The following MAN2B2 variants were observed in gnomAD, a reference collection of about 807,000 sequenced individuals.
The protein encoded by MAN2B2 is mannosidase alpha class 2B member 2, also known as epididymis-specific alpha-mannosidase.
Under a neutral mutation model 117.1 loss-of-function variants are expected in MAN2B2, and 106 were observed. The ratio of observed to expected loss-of-function variants is 0.90; its 90% CI spans 0.77 to 1.06. The LOEUF (loss-of-function observed/expected upper bound fraction) is 1.06. Ranked by LOEUF, MAN2B2 falls within the 50% of genes least tolerant of loss-of-function variation. MAN2B2 has a pLI of 0.00. For missense variants in MAN2B2, 1,326 were observed against 1,381.4 expected, an observed-to-expected ratio of 0.96 and a Z score of 0.64; for synonymous variants, 544 against 595.1, an observed-to-expected ratio of 0.91 and a Z score of 1.25.
At chr4:6,600,484 C>G (rs181817869) in intron 9 of MAN2B2, 139 bp from the exon 10 acceptor site, 9 of 990,270 alleles carry the variant, frequency 9.1e-6, no homozygotes, top group Non-Finnish European at 1.4e-5. Flanking sequence ...TGGCCTGCCC[C>G]CTTCCTGGCT....
At chr4:6,587,257 T>A (rs1726674143) in intron 4 of MAN2B2, 89 bp downstream of exon 4, 2 of 1,471,578 alleles carry the variant, frequency 1.4e-6, no homozygotes, top group South Asian at 2.6e-5. Flanking sequence ...TGCTGCTCTA[T>A]GCCGAAGTGT....
At position 6,617,457 on chromosome 4, in the gene MAN2B2, C is replaced by G; in HGVS notation, c.2779C>G (p.Pro927Ala). The G allele has an allele frequency of 1.9e-6, 3 of 1,614,098 alleles. No homozygotes were observed. The highest frequency in any genetic ancestry group is 2.5e-6 in the Non-Finnish European group (3 of 1,180,008). The change falls in exon 17 of 19, where the codon CCA becomes GCA. Residue 927 changes from proline to alanine, a missense_variant. Coordinates refer to ENST00000285599, the MANE Select transcript of MAN2B2 (RefSeq NM_015274.3). ...CCACCTATATGAAGTGGGCGAGGAC[C>G]CAGTCCTGTCTCAGCCAGTGACAGT... ...LYHLYEVGEDPVLSQPVTVNL... is the reference protein window; with the variant it reads ...LYHLYEVGEDAVLSQPVTVNL...
At chr4:6,613,913 C>T (rs965961257) in intron 15 of MAN2B2, among the ~76,000 whole-genome samples, 1 of 152,102 alleles carries the variant, frequency 6.6e-6, no homozygotes, top group East Asian at 1.9e-4. Flanking sequence ...CTGAACTTGC[C>T]TTGTTATCTT....
intron 12 of MAN2B2, chr4:6,609,542 C>G (rs1419386689): frequency 1.6e-5 from 10 of 624,998 alleles, no homozygotes; most frequent in Admixed American, 8.9e-5. Context: ...CTGGGGCCCA[C>G]AGAGCACCTG....
chr4:6,592,194 C>T (rs1726886291), intron 5 of MAN2B2, among the ~76,000 whole-genome samples: 3 of 152,200 alleles, frequency 2.0e-5, no homozygotes, highest in African/African-American at 4.8e-5. Flanking sequence ...GAACACTGGC[C>T]GGGATTAATT....
At chr4:6,615,595 G>A (rs370619871) in intron 16 of MAN2B2, among the ~76,000 whole-genome samples, 3 of 150,710 alleles carry the variant, frequency 2.0e-5, no homozygotes, top group East Asian at 2.0e-4. Context: ...CCAGGAGTTC[G>A]AGACCAGCCT....
intron 5 of MAN2B2, among the ~76,000 whole-genome samples, chr4:6,590,161 C>T (rs910217115): frequency 6.6e-6 from 1 of 151,896 alleles, no homozygotes; most frequent in African/African-American, 2.4e-5. Flanking sequence ...CACTTCAGGT[C>T]AGGAATTTGA....
intron 15 of MAN2B2, 152 bp from the exon 16 acceptor site, chr4:6,614,066 A>T (rs1711730052): frequency 1.1e-6 from 1 of 932,870 alleles, no homozygotes; most frequent in Non-Finnish European, 1.6e-6. Context: ...TTGGGAGCAC[A>T]AACACTTTGG....
intron 11 of MAN2B2, 59 bp from the exon 12 acceptor site, chr4:6,609,048 G>A (rs56332079): frequency 0.024 from 35,897 of 1,495,640 alleles, 723 homozygotes; most frequent in African/African-American, 0.1. Flanking sequence ...CTTGCCAGCC[G>A]GTGTCTGTAA....
At position 6,611,194 on chromosome 4, in the gene MAN2B2, T is replaced by A. The variant is rs138876289; in HGVS notation, c.2479T>A (p.Ser827Thr). ...VHPVLWLLLGSWSLTTALRQR... is the reference protein window; with the variant it reads ...VHPVLWLLLGTWSLTTALRQR... Reference sequence around the variant, plus strand: ...CCCAGTGCTCTGGCTTCTGCTGGGATCCTGGTCCCTCACCACTGCCCTGCG... The same window carrying A: ...CCCAGTGCTCTGGCTTCTGCTGGGAACCTGGTCCCTCACCACTGCCCTGCG... The change falls in exon 15 of 19, where the codon TCC becomes ACC. Residue 827 changes from serine to threonine, a missense_variant. Coordinates refer to ENST00000285599, the MANE Select transcript of MAN2B2 (RefSeq NM_015274.3). 3.2e-5 allele frequency: 51 copies of A among 1,613,914 alleles called. No homozygotes were observed. In the African/African-American group the frequency reaches 5.2e-4, roughly 16 times the overall value.
intron 9 of MAN2B2, among the ~76,000 whole-genome samples, chr4:6,598,911 T>C (rs527426304): frequency 6.6e-6 from 1 of 152,352 alleles, no homozygotes; most frequent in Non-Finnish European, 1.5e-5. Context: ...CCTCTTTGAC[T>C]GTGAGTTTTC....
intron 5 of MAN2B2, among the ~76,000 whole-genome samples, chr4:6,590,286 G>A (rs1388378747): frequency 1.3e-5 from 2 of 152,020 alleles, no homozygotes; most frequent in Non-Finnish European, 2.9e-5. Flanking sequence ...TTGGGAGGCT[G>A]AGGCAGGAGA....
At chr4:6,609,461 G>C in intron 12 of MAN2B2, 163 bp downstream of exon 12, 1 of 728,452 alleles carries the variant, frequency 1.4e-6, no homozygotes. Flanking sequence ...CTGCATGCTG[G>C]CTGCGTTTGC....
chr4:6,590,581 A>G (rs545483475), intron 5 of MAN2B2, among the ~76,000 whole-genome samples: 2 of 152,130 alleles, frequency 1.3e-5, no homozygotes, highest in Non-Finnish European at 2.9e-5. Context: ...GGCACTGTCC[A>G]GTGTCTCTCT....
rs186777206 is a variant in MAN2B2 at position 6,598,058 on chromosome 4, G to A, written c.1249-140G>A. On this transcript the variant is annotated intron_variant, in intron 8 of 18. Transcript: ENST00000285599. Reference sequence around the variant, plus strand: ...TCTCTTGGCCTCAGTTCCTCCTTCTGTAAAATGGCGGGGACTGCCCCCTTC... The same window carrying A: ...TCTCTTGGCCTCAGTTCCTCCTTCTATAAAATGGCGGGGACTGCCCCCTTC... 3,238 of 884,802 alleles carry A rather than the reference G, an allele frequency of 3.7e-3. 9 individuals carry two copies. Among genetic ancestry groups the A allele is most frequent in the Middle Eastern group, 4.6e-3 (15 of 3,276 alleles). The allele number at this position is 884,802 out of a possible 1,614,324, so 54.8% of individuals were successfully genotyped here.
At chr4:6,577,563 T>G (rs1726114219) in intron 2 of MAN2B2, among the ~76,000 whole-genome samples, 1 of 152,168 alleles carries the variant, frequency 6.6e-6, no homozygotes, top group Non-Finnish European at 1.5e-5. Context: ...TTACCTCAAG[T>G]TAAAGAGACA....
chr4:6,576,602 A>C lies in MAN2B2; in HGVS notation c.163A>C (p.Asn55His), dbSNP rs774903840. The change falls in exon 2 of 19, where the codon AAT becomes CAT. Residue 55 changes from asparagine to histidine, a missense_variant. Transcript: ENST00000285599. ...VQESMRAYAA[N>H]VYTSVVEELA... ...GGAAAGCATGCGGGCGTACGCCGCC[A>C]ATGTCTACACCTCAGTGGTGGAAGA... is the stretch of plus-strand genomic sequence containing the variant. 2.5e-6 allele frequency: 4 copies of C among 1,613,460 alleles called. No homozygotes were observed. In the African/African-American group the frequency reaches 5.3e-5, roughly 22 times the overall value.
At chr4:6,606,230 G>A (rs1727540710) in intron 11 of MAN2B2, among the ~76,000 whole-genome samples, 1 of 152,360 alleles carries the variant, frequency 6.6e-6, no homozygotes, top group Non-Finnish European at 1.5e-5. Context: ...CTCAGCTCAA[G>A]GTCACTGTCA....
At chr4:6,588,916 G>A in intron 4 of MAN2B2, 129 bp from the exon 5 acceptor site, 1 of 660,000 alleles carries the variant, frequency 1.5e-6, no homozygotes, top group Admixed American at 2.5e-5. Flanking sequence ...GCAGGGGAGA[G>A]CTCATCCTTG....
Sources: allele counts gnomAD v4.1 joint callset (sites outside exome capture counted in the v4.1 genomes callset), GRCh38; gene constraint gnomAD v4.1.1; transcripts MANE v1.5; gene names NCBI Gene and HGNC (gene_info 2026-07-23, HGNC 2026-07-21).